The following HIBCH variants were observed in gnomAD, a reference collection of about 807,000 sequenced individuals.
HIBCH encodes the protein 3-hydroxyisobutyryl-CoA hydrolase, mitochondrial.
Under a neutral mutation model 58.2 loss-of-function variants are expected in HIBCH, and 50 were observed. That is an observed-to-expected ratio of 0.86 (90% confidence interval 0.68 to 1.09). The LOEUF is 1.09. Among genes scored for constraint, HIBCH ranks in the 50% least tolerant of loss-of-function variants. HIBCH has a pLI of 0.00. For synonymous variants in HIBCH, 151 were observed against 146.9 expected (o/e 1.03, Z -0.20); for missense variants, 450 against 449.7 (o/e 1.00, Z -0.01).
At chr2:190,200,537 CCA>C (rs1690200827), downstream of HIBCH, 1 of 183,510 alleles carries the variant, frequency 5.4e-6, no homozygotes, top group African/African-American at 2.4e-5. Flanking sequence ...CAAAAAAAGT[CCA>C]GATATGAAAA....
chr2:190,302,326 C>A (rs2124839049), intron 2 of HIBCH, among the ~76,000 whole-genome samples: 1 of 152,270 alleles, frequency 6.6e-6, no homozygotes, highest in South Asian at 2.1e-4. Flanking sequence ...GAGGCACATG[C>A]ATGTATAGTA....
intron 6 of HIBCH, among the ~76,000 whole-genome samples, chr2:190,286,916 TCA>T (rs1687842504): frequency 6.6e-6 from 1 of 150,572 alleles, no homozygotes; most frequent in Non-Finnish European, 1.5e-5. Flanking sequence ...CTGAAAAGAA[TCA>T]GTTTATTTTT....
chr2:190,288,033 C>T (rs1687874289), intron 5 of HIBCH, among the ~76,000 whole-genome samples: 1 of 151,890 alleles, frequency 6.6e-6, no homozygotes, highest in Non-Finnish European at 1.5e-5. Flanking sequence ...CACCTGTGCT[C>T]CCAGCTGCTC....
chr2:190,212,949 T>A lies in HIBCH; in HGVS notation c.1011+7A>T, dbSNP rs769110088. 6.2e-7 allele frequency: 1 copy of A among 1,608,360 alleles called. No individual in the cohort carries two copies. The highest frequency in any genetic ancestry group is 8.5e-7 in the Non-Finnish European group (1 of 1,177,138). ...TAAAAAATGACATTTTTTTTTTAAA[T>A]TCTTACCATACAAGCTTGACTTAGC... On this transcript the variant is annotated splice_region_variant and intron_variant, in intron 12 of 13. Coordinates refer to ENST00000359678, the MANE Select transcript of HIBCH (RefSeq NM_014362.4).
intron 11 of HIBCH, among the ~76,000 whole-genome samples, chr2:190,227,296 C>G (rs563494893): frequency 6.6e-6 from 1 of 151,940 alleles, no homozygotes; most frequent in African/African-American, 2.4e-5. Flanking sequence ...CCTTGACAAA[C>G]GTGACAAAAA....
chr2:190,314,328 T>TACAC (rs1491383953), intron 1 of HIBCH, among the ~76,000 whole-genome samples: 7 of 3,876 alleles, frequency 1.8e-3, no homozygotes, highest in African/African-American at 2.4e-3. Flanking sequence ...TATGTATATA[T>TACAC]GTATATATAC....
chr2:190,226,710 GA>G (rs1685911170), intron 11 of HIBCH, among the ~76,000 whole-genome samples: 1 of 151,316 alleles, frequency 6.6e-6, no homozygotes, highest in Non-Finnish European at 1.5e-5. Context: ...TCCTTAAGCT[GA>G]TAAGCAACTT....
At chr2:190,232,387 G>A (rs1686127792) in intron 11 of HIBCH, among the ~76,000 whole-genome samples, 1 of 152,144 alleles carries the variant, frequency 6.6e-6, no homozygotes, top group Non-Finnish European at 1.5e-5. Context: ...GTCTGGAATT[G>A]AGGTATGTGC....
chr2:190,242,674 G>T (rs1465610863), intron 11 of HIBCH, among the ~76,000 whole-genome samples: 8 of 152,154 alleles, frequency 5.3e-5, no homozygotes, highest in Non-Finnish European at 1.2e-4. Flanking sequence ...TGGGTAGTAG[G>T]AGGAGGTAGT....
Position 190,210,687 on chromosome 2 carries a change from C to T in HIBCH, c.1012-1774G>A, listed in dbSNP as rs1690495730. On this transcript the variant is annotated intron_variant, in intron 12 of 13. Transcript: ENST00000359678. The surrounding 1 kb of genome is among the most constrained non-coding windows in gnomAD (Gnocchi z 5.5). Reference sequence around the variant, plus strand: ...GTTTCCTCTGACCTCATCTCTCACTCACCACAACCTCTGCCCCCCATCCGC... The same window carrying T: ...GTTTCCTCTGACCTCATCTCTCACTTACCACAACCTCTGCCCCCCATCCGC... Among the ~76,000 whole-genome samples, 2 of 152,160 alleles carry T rather than the reference C, an allele frequency of 1.3e-5. No individual in the cohort carries two copies. The highest frequency in any genetic ancestry group is 1.3e-4 in the Admixed American group (2 of 15,282).
At chr2:190,260,909 T>C (rs1456684469) in intron 7 of HIBCH, among the ~76,000 whole-genome samples, 2 of 152,184 alleles carry the variant, frequency 1.3e-5, no homozygotes, top group Admixed American at 1.3e-4. Context: ...ATTTTATCTA[T>C]AGTGTTAATG....
chr2:190,208,940 GA>G (rs760513392), intron 12 of HIBCH, 27 bp from the exon 13 acceptor site: 2 of 1,606,244 alleles, frequency 1.2e-6, no homozygotes, highest in African/African-American at 1.3e-5. Flanking sequence ...ATTAAATGGG[GA>G]TAATTTCTGG....
intron 2 of HIBCH, 44 bp downstream of exon 2, chr2:190,310,710 T>C (rs1422452457): frequency 2.1e-6 from 3 of 1,454,194 alleles, no homozygotes; most frequent in African/African-American, 1.4e-5. Flanking sequence ...ACATTTTAAG[T>C]TACACATACA....
chr2:190,210,528 G>T lies in HIBCH; in HGVS notation c.1012-1615C>A, dbSNP rs938499891. Reference sequence around the variant, plus strand: ...CAGTGCTCAACATAGCAGCCTGAGTGATCAATTCTTTAAAGTATAAGATCA... The same window carrying T: ...CAGTGCTCAACATAGCAGCCTGAGTTATCAATTCTTTAAAGTATAAGATCA... On this transcript the variant is annotated intron_variant, in intron 12 of 13. Transcript: ENST00000359678. This position sits in a 1 kb window ranked among gnomAD's most constrained non-coding sequence, Gnocchi z 5.5. 6.6e-6 allele frequency among the ~76,000 whole-genome samples: 1 copy of T among 152,128 alleles called. No homozygotes were observed. The highest frequency in any genetic ancestry group is 1.5e-5 in the Non-Finnish European group (1 of 68,028).
Position 190,260,112 on chromosome 2 carries a change from A to G in HIBCH, c.517+1044T>C, listed in dbSNP as rs182349559. 5.8e-3 allele frequency among the ~76,000 whole-genome samples: 875 copies of G among 149,996 alleles called. 8 individuals carry two copies. Among genetic ancestry groups the G allele is most frequent in the African/African-American group, 0.021 (833 of 39,398 alleles). Reference sequence around the variant, plus strand: ...AAAAGGTATCCAGATTAGAAAAAGGAAAGGAAAAAGTAAAACTGCTCTTAC... The same window carrying G: ...AAAAGGTATCCAGATTAGAAAAAGGGAAGGAAAAAGTAAAACTGCTCTTAC... On this transcript the variant is annotated intron_variant, in intron 7 of 13. Coordinates refer to ENST00000359678, the MANE Select transcript of HIBCH (RefSeq NM_014362.4).
chr2:190,200,968 A>ACTAT (rs1217019916), downstream of HIBCH: 6 of 167,058 alleles, frequency 3.6e-5, no homozygotes, highest in East Asian at 3.8e-4. Flanking sequence ...ATTAAGCTTT[A>ACTAT]CTATCTCAGA....
intron 11 of HIBCH, among the ~76,000 whole-genome samples, chr2:190,230,588 G>A (rs868398704): frequency 2.6e-5 from 4 of 152,160 alleles, no homozygotes; most frequent in Admixed American, 6.5e-5. Context: ...CCAGATACTA[G>A]GGAGGCTGAG....
chr2:190,295,290 C>T lies in HIBCH; in HGVS notation c.220-660G>A, dbSNP rs115963955. Among the ~76,000 whole-genome samples, 247 of 152,264 alleles carry T rather than the reference C, an allele frequency of 1.6e-3. 3 individuals carry two copies. The highest frequency in any genetic ancestry group is 6.8e-3 in the South Asian group (33 of 4,826). On this transcript the variant is annotated intron_variant, in intron 3 of 13. Coordinates refer to ENST00000359678, the MANE Select transcript of HIBCH (RefSeq NM_014362.4). The stretch of plus-strand genomic sequence containing the variant: ...TATCCCTTATCTGAAATGCTTGGGA[C>T]CAAAAGTGTTTCAGACTTTTTTAGA...
intron 6 of HIBCH, among the ~76,000 whole-genome samples, chr2:190,286,172 G>A (rs1687822939): frequency 6.6e-6 from 1 of 152,088 alleles, no homozygotes. Flanking sequence ...ATGTGACAAG[G>A]GCCCCATCCT....
Sources: allele counts gnomAD v4.1 joint callset (sites outside exome capture counted in the v4.1 genomes callset), GRCh38; gene constraint gnomAD v4.1.1; non-coding constraint Gnocchi (gnomAD v3.1); transcripts MANE v1.5; gene names NCBI Gene and HGNC (gene_info 2026-07-23, HGNC 2026-07-21).